SDCCAG8: variants seen among roughly 807,000 people sequenced by gnomAD.
SDCCAG8 encodes serologically defined colon cancer antigen 8.
SDCCAG8 carries 74 observed loss-of-function variants against 101.8 expected under a neutral mutation model. The ratio of observed to expected loss-of-function variants is 0.73; its 90% CI spans 0.60 to 0.88. The LOEUF (loss-of-function observed/expected upper bound fraction) is 0.88, where lower values mean the gene tolerates loss of function less well. Among genes scored for constraint, SDCCAG8 ranks in the 40% least tolerant of loss-of-function variants. The pLI, the probability that SDCCAG8 is intolerant of heterozygous loss-of-function variation, is 0.00. For missense variants in SDCCAG8, 787 were observed against 822.6 expected, an observed-to-expected ratio of 0.96 and a Z score of 0.53; for synonymous variants, 281 against 292.9, an observed-to-expected ratio of 0.96 and a Z score of 0.41.
chr1:243,491,964 G>T (rs1203092197), intron 17 of SDCCAG8, among the ~76,000 whole-genome samples: 1 of 152,148 alleles, frequency 6.6e-6, no homozygotes, highest in African/African-American at 2.4e-5. Context: ...AAGAGAATGG[G>T]TCGGGCAATG....
intron 8 of SDCCAG8, among the ~76,000 whole-genome samples, chr1:243,312,284 T>A (rs1452732051): frequency 2.0e-5 from 3 of 152,226 alleles, no homozygotes; most frequent in Non-Finnish European, 4.4e-5. Flanking sequence ...ACATGGAATG[T>A]TTAAAAATGA....
At chr1:243,307,177 CAATT>C (rs2072229272) in intron 7 of SDCCAG8, among the ~76,000 whole-genome samples, 1 of 151,406 alleles carries the variant, frequency 6.6e-6, no homozygotes, top group African/African-American at 2.4e-5. Flanking sequence ...ATGTACTAGT[CAATT>C]AATCCTTAAA....
At chr1:243,316,667 A>G in intron 8 of SDCCAG8, 88 bp from the exon 9 acceptor site, 1 of 1,528,732 alleles carries the variant, frequency 6.5e-7, no homozygotes, top group Non-Finnish European at 9.0e-7. Context: ...GGCTCTTCTA[A>G]TACATATTAA....
intron 17 of SDCCAG8, among the ~76,000 whole-genome samples, chr1:243,495,262 C>T (rs1043416614): frequency 2.0e-5 from 3 of 152,214 alleles, no homozygotes; most frequent in Admixed American, 6.5e-5. Flanking sequence ...TCCCTCTCCC[C>T]GCCAAGTCCA....
intron 12 of SDCCAG8, among the ~76,000 whole-genome samples, chr1:243,362,356 G>T (rs1029437444): frequency 6.6e-6 from 1 of 151,184 alleles, no homozygotes; most frequent in African/African-American, 2.4e-5. Flanking sequence ...AGATGGCCAA[G>T]TGACTGCCTC....
chr1:243,306,379 T>G (rs922788553), intron 7 of SDCCAG8: 1 of 152,158 alleles, frequency 6.6e-6, no homozygotes, highest in African/African-American at 2.4e-5. Context: ...TGTGACTTAT[T>G]TTGTCTCATT....
chr1:243,372,649 G>C (rs1241459141), intron 12 of SDCCAG8, among the ~76,000 whole-genome samples: 1 of 151,638 alleles, frequency 6.6e-6, no homozygotes, highest in Non-Finnish European at 1.5e-5. Flanking sequence ...TTCTCAAATT[G>C]TAGGATTGTG....
intron 16 of SDCCAG8, among the ~76,000 whole-genome samples, chr1:243,462,119 A>G (rs1339361012): frequency 6.6e-6 from 1 of 152,144 alleles, no homozygotes. Flanking sequence ...TCAGTGTAGC[A>G]CAGAGGGAAT....
At chr1:243,354,768 G>T (rs2076290395) in intron 12 of SDCCAG8, among the ~76,000 whole-genome samples, 1 of 152,242 alleles carries the variant, frequency 6.6e-6, no homozygotes, top group African/African-American at 2.4e-5. Context: ...AGCTGTGGTA[G>T]TTCTGGACAC....
chr1:243,348,478 C>T (rs988846072), intron 12 of SDCCAG8, among the ~76,000 whole-genome samples: 1 of 152,014 alleles, frequency 6.6e-6, no homozygotes, highest in Non-Finnish European at 1.5e-5. Flanking sequence ...CACACACCTC[C>T]CCCAGTGACA....
intron 16 of SDCCAG8, among the ~76,000 whole-genome samples, chr1:243,455,435 A>G (rs1410928147): frequency 6.6e-6 from 1 of 151,880 alleles, no homozygotes; most frequent in Non-Finnish European, 1.5e-5. Flanking sequence ...ATGCCCAACT[A>G]ATTTTTGTAT....
intron 12 of SDCCAG8, among the ~76,000 whole-genome samples, chr1:243,350,519 A>G (rs1436712722): frequency 6.6e-6 from 1 of 152,140 alleles, no homozygotes; most frequent in Non-Finnish European, 1.5e-5. Context: ...CGCCCGGCCT[A>G]TGTCAGTCCT....
At chr1:243,339,144 A>ACCTC (rs2075233739) in intron 10 of SDCCAG8, among the ~76,000 whole-genome samples, 53 of 151,850 alleles carry the variant, frequency 3.5e-4, no homozygotes, top group South Asian at 8.3e-4. Context: ...TGGGCAGAGG[A>ACCTC]AGGGAATGAT....
intron 16 of SDCCAG8, 121 bp from the exon 17 acceptor site, chr1:243,488,893 T>A: frequency 7.0e-7 from 1 of 1,425,168 alleles, no homozygotes; most frequent in Non-Finnish European, 9.8e-7. Context: ...CACCTCAGGG[T>A]CACCCTAGGC....
intron 16 of SDCCAG8, among the ~76,000 whole-genome samples, chr1:243,463,601 A>G (rs75837436): frequency 3.3e-5 from 5 of 152,344 alleles, no homozygotes; most frequent in African/African-American, 7.2e-5. Context: ...TCCACTCACA[A>G]TATGGGTCTA....
At chr1:243,420,498 T>C (rs781032103) in intron 15 of SDCCAG8, among the ~76,000 whole-genome samples, 5 of 152,174 alleles carry the variant, frequency 3.3e-5, no homozygotes, top group African/African-American at 7.2e-5. Flanking sequence ...TATGCCACAA[T>C]GAAAGCCTTT....
intron 8 of SDCCAG8, among the ~76,000 whole-genome samples, chr1:243,309,650 C>T (rs981728735): frequency 1.1e-4 from 16 of 151,994 alleles, no homozygotes; most frequent in African/African-American, 3.4e-4. Flanking sequence ...GGACATGTGC[C>T]GCCACACCCA....
At chr1:243,485,674 G>C (rs919106351) in intron 16 of SDCCAG8, among the ~76,000 whole-genome samples, 4 of 152,108 alleles carry the variant, frequency 2.6e-5, no homozygotes, top group Non-Finnish European at 5.9e-5. Context: ...GGGAGGCTGA[G>C]GTGGGTGAAT....
At chr1:243,288,546 A>C (rs1558238618) in intron 5 of SDCCAG8, among the ~76,000 whole-genome samples, 1 of 152,122 alleles carries the variant, frequency 6.6e-6, no homozygotes, top group Non-Finnish European at 1.5e-5. Context: ...ACATGAATAA[A>C]AATGTTTAGG....
Sources: allele counts gnomAD v4.1 joint callset (sites outside exome capture counted in the v4.1 genomes callset), GRCh38; gene constraint gnomAD v4.1.1; transcripts MANE v1.5; gene names NCBI Gene and HGNC (gene_info 2026-07-23, HGNC 2026-07-21).